Variants in ACSF2 observed in about 807,000 individuals in gnomAD.
ACSF2 encodes acyl-CoA synthetase family member 2.
In ACSF2, 52 loss-of-function variants were observed where a neutral mutation model predicts 79.3. That is an observed-to-expected ratio of 0.66 (90% CI 0.53 to 0.83). ACSF2 has a LOEUF of 0.83. ACSF2 is among the 40% of genes least tolerant of loss of function. The pLI is 0.00. For synonymous variants in ACSF2, 283 were observed against 312.6 expected, an observed-to-expected ratio of 0.91 and a Z score of 1.00; for missense variants, 661 against 803.3, an observed-to-expected ratio of 0.82 and a Z score of 2.14.
rs754989939 is a variant in ACSF2, at chr17:50,465,417, G to A, written c.1215+1123G>A. On this transcript the variant is annotated intron_variant, in intron 10 of 15. Coordinates refer to ENST00000300441, the MANE Select transcript of ACSF2 (RefSeq NM_025149.6). ...GGTGAGGCACAGGTGGCATCTGGGC[G>A]GGAGGCCTTGGCTTCCAGCCACCTG... 36 of 1,613,858 alleles carry A rather than the reference G, an allele frequency of 2.2e-5. No individual in the cohort carries two copies. Among genetic ancestry groups the A allele is most frequent in the South Asian group, 3.3e-5 (3 of 91,072 alleles).
intron 1 of ACSF2, chr17:50,460,287 G>C: frequency 2.2e-6 from 1 of 463,116 alleles, no homozygotes; most frequent in South Asian, 1.5e-5. Flanking sequence ...CGCTTCCCTG[G>C]TTCCTCAGGA....
intron 1 of ACSF2, among the ~76,000 whole-genome samples, chr17:50,447,078 A>C (rs965944306): frequency 6.6e-6 from 1 of 152,156 alleles, no homozygotes; most frequent in African/African-American, 2.4e-5. Flanking sequence ...CACTATAGTC[A>C]ATTTTAGAAC....
intron 10 of ACSF2, chr17:50,464,771 G>GGT (rs1555611938): frequency 1.2e-5 from 4 of 328,800 alleles, no homozygotes; most frequent in African/African-American, 1.0e-4. Context: ...GATTGACTTG[G>GGT]GGGGGGGGTC....
intron 1 of ACSF2, among the ~76,000 whole-genome samples, 161 bp downstream of exon 1, chr17:50,426,550 G>T (rs1423378939): frequency 6.6e-6 from 1 of 152,218 alleles, no homozygotes; most frequent in Non-Finnish European, 1.5e-5. Flanking sequence ...AATAGGAAAA[G>T]CTGGCTTGGC....
At chr17:50,439,552 G>C (rs1049156583) in intron 1 of ACSF2, among the ~76,000 whole-genome samples, 2 of 152,168 alleles carry the variant, frequency 1.3e-5, no homozygotes, top group African/African-American at 4.8e-5. Flanking sequence ...ATCTCTAGCA[G>C]TGAAATTGCT....
chr17:50,472,318 G>A (rs1022437948), intron 11 of ACSF2, 110 bp from the exon 12 acceptor site: 13 of 1,352,566 alleles, frequency 9.6e-6, no homozygotes, highest in Non-Finnish European at 1.2e-5. Context: ...CCTCATTCCA[G>A]GCAGTTGGGT....
chr17:50,463,760 G>T lies in ACSF2; in HGVS notation c.1047-58G>T. ...GCTGCAGTTTCATGGCGGGGTGGGT[G>T]AGAACAGGGAGTTCCCTTCCACTTC... On this transcript the variant is annotated intron_variant, in intron 8 of 15. Transcript: ENST00000300441. This position sits in a 1 kb window ranked among gnomAD's most constrained non-coding sequence, Gnocchi z 4.6. 6.4e-7 allele frequency: 1 copy of T among 1,557,014 alleles called. No homozygotes were observed. Among genetic ancestry groups the T allele is most frequent in the Non-Finnish European group, 8.8e-7 (1 of 1,134,116 alleles).
chr17:50,446,822 AATC>A (rs2031332888), intron 1 of ACSF2, among the ~76,000 whole-genome samples: 1 of 152,246 alleles, frequency 6.6e-6, no homozygotes, highest in Non-Finnish European at 1.5e-5. Flanking sequence ...TGCTGGGCAT[AATC>A]ATAGTTCCTT....
At chr17:50,434,602 C>T (rs1365892037) in intron 1 of ACSF2, among the ~76,000 whole-genome samples, 1 of 152,116 alleles carries the variant, frequency 6.6e-6, no homozygotes, top group Admixed American at 6.5e-5. Flanking sequence ...AGGAGAATCT[C>T]TTGAACCCAG....
chr17:50,470,092 G>A (rs1024583066), intron 10 of ACSF2: 3 of 152,742 alleles, frequency 2.0e-5, no homozygotes, highest in Non-Finnish European at 4.4e-5. Flanking sequence ...CCCCAGCCGT[G>A]CCAGAGCCAG....
intron 3 of ACSF2, 70 bp downstream of exon 3, chr17:50,461,440 C>T (rs1295417490): frequency 1.2e-6 from 2 of 1,605,402 alleles, no homozygotes; most frequent in Non-Finnish European, 1.7e-6. Flanking sequence ...GCCCCTCAGG[C>T]CCTCAGCCCC....
chr17:50,458,242 C>T (rs2032131506), intron 1 of ACSF2, among the ~76,000 whole-genome samples: 1 of 152,164 alleles, frequency 6.6e-6, no homozygotes. Context: ...GGAGAAAACC[C>T]CAACCCCAGA....
intron 1 of ACSF2, among the ~76,000 whole-genome samples, chr17:50,449,351 T>G (rs925886578): frequency 6.6e-6 from 1 of 150,496 alleles, no homozygotes; most frequent in African/African-American, 2.4e-5. Flanking sequence ...CTTCTTTCAC[T>G]TATAAATGTT....
intron 1 of ACSF2, among the ~76,000 whole-genome samples, chr17:50,459,432 AGGG>A (rs1399446314): frequency 3.9e-4 from 59 of 152,316 alleles, no homozygotes; most frequent in Non-Finnish European, 8.8e-5. Flanking sequence ...TCATAGAGAC[AGGG>A]TTTCCCTATA....
chr17:50,457,406 A>G (rs749037396), intron 1 of ACSF2, among the ~76,000 whole-genome samples: 6 of 152,226 alleles, frequency 3.9e-5, no homozygotes, highest in Non-Finnish European at 5.9e-5. Flanking sequence ...AGGGACATGC[A>G]GCATCTTCCT....
chr17:50,457,903 C>G (rs1376396344), intron 1 of ACSF2, among the ~76,000 whole-genome samples: 1 of 152,134 alleles, frequency 6.6e-6, no homozygotes, highest in Non-Finnish European at 1.5e-5. Context: ...AATCCTCACC[C>G]AGTCCCACAT....
intron 1 of ACSF2, among the ~76,000 whole-genome samples, chr17:50,451,577 G>C (rs761284156): frequency 2.0e-4 from 31 of 152,266 alleles, no homozygotes; most frequent in Admixed American, 6.5e-4. Context: ...AGCCTCCCAA[G>C]TAGCTGGGAT....
rs77557245 is a variant in ACSF2 at position 50,464,684 on chromosome 17, C to A, written c.1215+390C>A. The A allele has an allele frequency of 1.6e-3, 727 of 448,538 alleles. 4 individuals carry two copies. The highest frequency in any genetic ancestry group is 0.014 in the African/African-American group (683 of 47,730). 27.8% of individuals were successfully genotyped at this position (448,538 alleles called of 1,614,324 possible). On this transcript the variant is annotated intron_variant, in intron 10 of 15. Transcript: ENST00000300441. ...GGCAAGGATCTGATGATTGTTTCCA[C>A]GTGGCAGGGAAAGAGGAACAGAGGA...
chr17:50,454,168 A>ATT (rs1390553130), intron 1 of ACSF2, among the ~76,000 whole-genome samples: 6 of 140,508 alleles, frequency 4.3e-5, no homozygotes, highest in African/African-American at 1.7e-4. Context: ...GACCGTCCCA[A>ATT]ATTTTTTTTT....
Sources: gnomAD v4.1 joint callset for allele counts (sites outside exome capture counted in the v4.1 genomes callset) on GRCh38, gnomAD v4.1.1 for gene constraint, Gnocchi (gnomAD v3.1) non-coding constraint, MANE v1.5 for transcripts, NCBI Gene and HGNC (gene_info 2026-07-23, HGNC 2026-07-21) for gene names.